NTRK2: variants seen among roughly 807,000 people sequenced by gnomAD.
NTRK2 encodes BDNF/NT-3 growth factors receptor.
Under a neutral mutation model 94.5 loss-of-function variants are expected in NTRK2, and 13 were observed. The ratio of observed to expected loss-of-function variants is 0.14; its 90% confidence interval spans 0.09 to 0.22. NTRK2 has a LOEUF of 0.22. Ranked by LOEUF, NTRK2 falls within the 10% of genes least tolerant of loss-of-function variation. NTRK2 has a pLI of 1.00. For synonymous variants in NTRK2, 372 were observed against 407.4 expected (o/e 0.91, Z 1.05); for missense variants, 639 against 1,071.2 (o/e 0.60, Z 5.63).
At chr9:84,889,681 A>G (rs918914955) in intron 14 of NTRK2, among the ~76,000 whole-genome samples, 4 of 152,222 alleles carry the variant, frequency 2.6e-5, no homozygotes, top group African/African-American at 9.6e-5. Flanking sequence ...CCAAAGTGCT[A>G]GGATTACTGG....
intron 12 of NTRK2, among the ~76,000 whole-genome samples, chr9:84,758,684 C>T (rs2065288756): frequency 6.6e-6 from 1 of 152,180 alleles, no homozygotes; most frequent in African/African-American, 2.4e-5. Context: ...AGCCACCGCA[C>T]CCGGCCTTTT....
intron 17 of NTRK2, among the ~76,000 whole-genome samples, chr9:84,963,894 A>G (rs895191494): frequency 2.0e-5 from 3 of 152,166 alleles, no homozygotes; most frequent in African/African-American, 4.8e-5. Context: ...CTCATCCAGT[A>G]TAGTCTCCAT....
At chr9:84,677,396 C>A (rs1037762802) in intron 2 of NTRK2, among the ~76,000 whole-genome samples, 1 of 152,184 alleles carries the variant, frequency 6.6e-6, no homozygotes, top group African/African-American at 2.4e-5. Context: ...CATCCAGCTA[C>A]CATTTTATGT....
intron 14 of NTRK2, among the ~76,000 whole-genome samples, chr9:84,920,304 C>T (rs2077521980): frequency 6.6e-6 from 1 of 152,136 alleles, no homozygotes; most frequent in South Asian, 2.1e-4. Context: ...ATGTTAGGTC[C>T]TCACTTTCTT....
At chr9:84,831,663 C>T (rs537883624) in intron 12 of NTRK2, among the ~76,000 whole-genome samples, 9 of 152,266 alleles carry the variant, frequency 5.9e-5, no homozygotes, top group South Asian at 2.1e-4. Flanking sequence ...CTCGAGGTGA[C>T]GGAGCTAATA....
chr9:84,715,450 A>G (rs1389409024), intron 6 of NTRK2, among the ~76,000 whole-genome samples: 1 of 152,062 alleles, frequency 6.6e-6, no homozygotes. Context: ...GCCTCACAAT[A>G]TTTTTCTAAC....
intron 17 of NTRK2, among the ~76,000 whole-genome samples, chr9:84,967,098 G>A (rs1825644456): frequency 6.6e-6 from 1 of 152,198 alleles, no homozygotes; most frequent in African/African-American, 2.4e-5. Flanking sequence ...AGTAAACGAA[G>A]TGCTATTTGA....
chr9:84,702,631 A>G (rs2131698931), intron 4 of NTRK2, among the ~76,000 whole-genome samples: 1 of 152,278 alleles, frequency 6.6e-6, no homozygotes, highest in Non-Finnish European at 1.5e-5. Context: ...CCCTTTCATG[A>G]ATTTCTGGGC....
At chr9:85,011,694 C>T (rs935982704) in intron 17 of NTRK2, among the ~76,000 whole-genome samples, 2 of 152,164 alleles carry the variant, frequency 1.3e-5, no homozygotes, top group Non-Finnish European at 2.9e-5. Flanking sequence ...AAATAAATTT[C>T]TGTTGGTCTG....
intron 17 of NTRK2, among the ~76,000 whole-genome samples, chr9:84,981,683 G>A (rs570337057): frequency 2.0e-5 from 3 of 152,314 alleles, no homozygotes. Context: ...TTAAGTGGAA[G>A]AATTGTATTT....
chr9:84,912,690 C>T (rs1013464964), intron 14 of NTRK2, among the ~76,000 whole-genome samples: 1 of 144,044 alleles, frequency 6.9e-6, no homozygotes, highest in Non-Finnish European at 1.5e-5. Flanking sequence ...GCGATCTTGG[C>T]TCACTGCAAG....
chr9:84,969,763 A>T (rs1164678226), intron 17 of NTRK2, among the ~76,000 whole-genome samples: 1 of 152,254 alleles, frequency 6.6e-6, no homozygotes, highest in Middle Eastern at 3.2e-3. Flanking sequence ...TTAAAAGTTC[A>T]TGAAAATGAG....
rs572878704 is a variant in NTRK2 at position 84,825,714 on chromosome 9, C to T, written c.1397-35326C>T. Reference sequence around the variant, plus strand: ...CTAGAAGCTGGCACAGAATTCTGCACACAGAGTGGCACCTTCTTTCCTATA... The same window carrying T: ...CTAGAAGCTGGCACAGAATTCTGCATACAGAGTGGCACCTTCTTTCCTATA... On this transcript the variant is annotated intron_variant, in intron 12 of 18. Coordinates refer to ENST00000277120, the MANE Select transcript of NTRK2 (RefSeq NM_006180.6). Among the ~76,000 whole-genome samples the T allele has an allele frequency of 2.0e-4, 30 of 152,324 alleles. 1 individual carries two copies. In the South Asian group the frequency reaches 3.1e-3, roughly 16 times the overall value.
intron 14 of NTRK2, among the ~76,000 whole-genome samples, chr9:84,893,167 T>C (rs2076645911): frequency 6.6e-6 from 1 of 152,174 alleles, no homozygotes. Context: ...CTCTCCTATG[T>C]CTTTCCAGTC....
intron 12 of NTRK2, among the ~76,000 whole-genome samples, chr9:84,824,382 A>AC (rs1466253982): frequency 6.6e-6 from 1 of 152,178 alleles, no homozygotes; most frequent in Non-Finnish European, 1.5e-5. Flanking sequence ...GCTTGTTGGC[A>AC]CCCTTTCCAC....
At chr9:84,753,729 G>C (rs2064841056) in intron 12 of NTRK2, among the ~76,000 whole-genome samples, 1 of 152,182 alleles carries the variant, frequency 6.6e-6, no homozygotes, top group Non-Finnish European at 1.5e-5. Context: ...TCCTTCCTTA[G>C]AGGCACTTGG....
At chr9:84,962,507 A>G (rs1442303765) in intron 17 of NTRK2, among the ~76,000 whole-genome samples, 1 of 151,990 alleles carries the variant, frequency 6.6e-6, no homozygotes, top group African/African-American at 2.4e-5. Context: ...TGGTCTTCTG[A>G]GTCTCTTTTT....
At chr9:84,957,494 A>C (rs1438670877) in intron 17 of NTRK2, among the ~76,000 whole-genome samples, 10 of 152,244 alleles carry the variant, frequency 6.6e-5, no homozygotes, top group Non-Finnish European at 2.9e-5. Context: ...GTCAATAAGC[A>C]CATGAAAAGA....
intron 17 of NTRK2, among the ~76,000 whole-genome samples, chr9:84,982,844 C>T (rs977301782): frequency 1.3e-5 from 2 of 152,154 alleles, no homozygotes; most frequent in African/African-American, 4.8e-5. Flanking sequence ...AATCTACATT[C>T]CACAAAGACG....
Sources: allele counts gnomAD v4.1 joint callset (sites outside exome capture counted in the v4.1 genomes callset), GRCh38; gene constraint gnomAD v4.1.1; transcripts MANE v1.5; gene names NCBI Gene and HGNC (gene_info 2026-07-23, HGNC 2026-07-21).